The following MTMR10 variants were observed in gnomAD, a reference collection of about 807,000 sequenced individuals.
MTMR10 encodes myotubularin related protein 10, also known as myotubularin-related protein 10.
In MTMR10, 56 loss-of-function variants were observed where a neutral mutation model predicts 88.1. That is an observed-to-expected ratio of 0.64 (90% CI 0.51 to 0.79). The LOEUF (loss-of-function observed/expected upper bound fraction) is 0.79. MTMR10 is among the 30% of genes least tolerant of loss of function. The pLI, the probability that MTMR10 is intolerant of heterozygous loss-of-function variation, is 0.00. For synonymous variants in MTMR10, 380 were observed against 340.9 expected (o/e 1.11, Z -1.26); for missense variants, 883 against 924.7 (o/e 0.95, Z 0.58).
Position 30,959,127 on chromosome 15 carries a change from G to A in MTMR10, c.759-6C>T. The A allele has an allele frequency of 1.3e-6, 2 of 1,543,136 alleles. No homozygotes were observed. Among genetic ancestry groups the A allele is most frequent in the Non-Finnish European group, 8.7e-7 (1 of 1,145,528 alleles). ...CTACAATGTATTCTGGAAGGCTGGA[G>A]GGGAAAAAAAAAATTATATGAGTGC... On this transcript the variant is annotated splice_polypyrimidine_tract_variant and splice_region_variant and intron_variant, in intron 7 of 15. Transcript: ENST00000435680.
the MTMR10 span, chr15:30,926,046 A>AG: frequency 8.9e-7 from 1 of 1,128,496 alleles, no homozygotes; most frequent in Non-Finnish European, 1.3e-6. Context: ...TCCTCTGCTC[A>AG]CAGTGGAAGA....
chr15:30,966,825 C>G (rs747218887), intron 6 of MTMR10, among the ~76,000 whole-genome samples: 2 of 149,092 alleles, frequency 1.3e-5, no homozygotes, highest in Non-Finnish European at 3.0e-5. Flanking sequence ...CTCTGCAAAG[C>G]ATTATTTTCA....
intron 9 of MTMR10, among the ~76,000 whole-genome samples, chr15:30,955,225 C>T (rs1347584574): frequency 5.3e-5 from 8 of 152,192 alleles, no homozygotes; most frequent in South Asian, 2.1e-4. Context: ...CTGCCATTCA[C>T]CTCACTGCCA....
chr15:30,948,881 A>G (rs1227975749), intron 12 of MTMR10: 4 of 174,690 alleles, frequency 2.3e-5, no homozygotes, highest in Non-Finnish European at 4.8e-5. Flanking sequence ...TACCAACTGA[A>G]GCTGTGGCAA....
At position 30,940,015 on chromosome 15, in the gene MTMR10, A is replaced by G; in HGVS notation, c.*1455T>C. 1.0e-6 allele frequency: 1 copy of G among 975,162 alleles called. No homozygotes were observed. The allele number at this position is 975,162 out of a possible 1,614,324, so 60.4% of individuals were successfully genotyped here. A position where few individuals can be genotyped will look rare whatever the true frequency, so the allele number is the denominator to read the frequency against. The stretch of plus-strand genomic sequence containing the variant: ...GCAAATAATTCAAAAAGAAACAGCT[A>G]TTCAGTACATATAAAGGTAAAATAC... On this transcript the variant is annotated 3_prime_UTR_variant, in exon 16 of 16. Transcript: ENST00000435680.
At chr15:30,949,461 G>A (rs144182853) in intron 12 of MTMR10, 3 of 152,200 alleles carry the variant, frequency 2.0e-5, no homozygotes, top group East Asian at 1.9e-4. Context: ...AAACTCCTAC[G>A]GAATCCACAA....
chr15:30,955,239 C>T (rs1409177867), intron 9 of MTMR10, among the ~76,000 whole-genome samples: 1 of 152,188 alleles, frequency 6.6e-6, no homozygotes, highest in Non-Finnish European at 1.5e-5. Context: ...ACTGCCACCC[C>T]CACGTGCAGT....
rs1251500204 is a variant in MTMR10, at chr15:30,943,703, G to A, written c.1549-631C>T. On this transcript the variant is annotated intron_variant, in intron 14 of 15. Transcript: ENST00000435680. ...CCACCTCTAGCCCGGACTCTGGGCG[G>A]GTGCAGCCTAGTTATCTGGCTTCCC... 1.1e-5 allele frequency: 11 copies of A among 985,266 alleles called. No individual in the cohort carries two copies. In the South Asian group the frequency reaches 1.9e-4, roughly 17 times the overall value. The allele number at this position is 985,266 out of a possible 1,614,324, so 61.0% of individuals were successfully genotyped here.
At chr15:30,963,670 C>CAGAT (rs1324638306) in intron 6 of MTMR10, among the ~76,000 whole-genome samples, 18 of 99,408 alleles carry the variant, frequency 1.8e-4, no homozygotes, top group African/African-American at 3.9e-4. Context: ...GATAGACAGA[C>CAGAT]AGATAGATAG....
At chr15:30,961,137 T>C (rs981206611) in intron 6 of MTMR10, 64 bp from the exon 7 acceptor site, 12 of 1,491,950 alleles carry the variant, frequency 8.0e-6, no homozygotes, top group Non-Finnish European at 1.1e-5. Flanking sequence ...CCCTCTTCTC[T>C]GAGCCTCCTG....
downstream of MTMR10, among the ~76,000 whole-genome samples, chr15:30,938,310 T>C (rs1249159170): frequency 6.6e-6 from 1 of 152,242 alleles, no homozygotes; most frequent in East Asian, 1.9e-4. Flanking sequence ...GTTAAACTTT[T>C]ATGATTATCT....
rs1466612537 is a variant in MTMR10 at position 30,941,428 on chromosome 15, A to G, written c.*42T>C. The G allele has an allele frequency of 1.3e-6, 2 of 1,568,854 alleles. No homozygotes were observed. Among genetic ancestry groups the G allele is most frequent in the Non-Finnish European group, 1.7e-6 (2 of 1,159,870 alleles). Reference sequence around the variant, plus strand: ...TTAGCAATGTTAATTCAGAGGAAAAAAGTTGACAGCTTCCCTCAAAATGTT... The same window carrying G: ...TTAGCAATGTTAATTCAGAGGAAAAGAGTTGACAGCTTCCCTCAAAATGTT... On this transcript the variant is annotated 3_prime_UTR_variant, in exon 16 of 16. Coordinates refer to ENST00000435680, the MANE Select transcript of MTMR10 (RefSeq NM_017762.3).
At chr15:30,988,727 G>A (rs376147996) in intron 2 of MTMR10, among the ~76,000 whole-genome samples, 7 of 152,116 alleles carry the variant, frequency 4.6e-5, no homozygotes, top group East Asian at 1.9e-4. Context: ...AGTGGCTCAC[G>A]CCTGTAATCC....
At chr15:30,969,075 T>C (rs2063506209) in intron 5 of MTMR10, among the ~76,000 whole-genome samples, 2 of 152,144 alleles carry the variant, frequency 1.3e-5, no homozygotes, top group Non-Finnish European at 2.9e-5. Flanking sequence ...GTAAGAAAAG[T>C]TAATTGTTAG....
chr15:30,964,451 C>T (rs2063448583), intron 6 of MTMR10, among the ~76,000 whole-genome samples: 1 of 152,166 alleles, frequency 6.6e-6, no homozygotes, highest in Non-Finnish European at 1.5e-5. Context: ...AAGTGAGATC[C>T]TCTATCGTTT....
intron 9 of MTMR10, among the ~76,000 whole-genome samples, chr15:30,958,223 C>T (rs964834585): frequency 6.6e-6 from 1 of 152,178 alleles, no homozygotes; most frequent in Non-Finnish European, 1.5e-5. Flanking sequence ...CATGAGGAAG[C>T]GGCCTTAGAA....
chr15:30,965,133 C>G (rs1479151230), intron 6 of MTMR10, among the ~76,000 whole-genome samples: 1 of 152,238 alleles, frequency 6.6e-6, no homozygotes, highest in Non-Finnish European at 1.5e-5. Flanking sequence ...CTGATGTATA[C>G]AGCTGGCTGG....
intron 5 of MTMR10, among the ~76,000 whole-genome samples, chr15:30,969,219 T>C (rs939827394): frequency 6.6e-6 from 1 of 151,802 alleles, no homozygotes; most frequent in Admixed American, 6.6e-5. Flanking sequence ...TAAGTTAAAA[T>C]ATACAAACAA....
intron 6 of MTMR10, among the ~76,000 whole-genome samples, chr15:30,964,411 A>T (rs954473739): frequency 2.6e-4 from 40 of 152,228 alleles, no homozygotes; most frequent in Admixed American, 1.3e-3. Context: ...TCTAAACGTA[A>T]AATGAGAACA....
Sources: allele counts gnomAD v4.1 joint callset (sites outside exome capture counted in the v4.1 genomes callset), GRCh38; gene constraint gnomAD v4.1.1; transcripts MANE v1.5; gene names NCBI Gene and HGNC (gene_info 2026-07-23, HGNC 2026-07-21).